DPY19L4: variants seen among roughly 807,000 people sequenced by gnomAD.
DPY19L4 encodes probable C-mannosyltransferase DPY19L4.
DPY19L4 carries 97 observed loss-of-function variants against 102.8 expected under a neutral mutation model. The observed-to-expected ratio is 0.94, with a 90% CI of 0.80 to 1.12. The LOEUF is 1.12. Among genes scored for constraint, DPY19L4 ranks in the 50% most tolerant of loss-of-function variants. The pLI, the probability that DPY19L4 is intolerant of heterozygous loss-of-function variation, is 0.00. For missense variants in DPY19L4, 815 were observed against 850.4 expected, an observed-to-expected ratio of 0.96 and a Z score of 0.52; for synonymous variants, 252 against 283.1, an observed-to-expected ratio of 0.89 and a Z score of 1.10.
rs527259838 is a variant in DPY19L4, at chr8:94,757,602, G to T, written c.735+1443G>T. ...TTTTTGTATTTTTAGTAGAGACGGG[G>T]TATCACTATGTTGGCCAGTCTGGCC... is the stretch of plus-strand genomic sequence containing the variant. On this transcript the variant is annotated intron_variant, in intron 7 of 18. Coordinates refer to ENST00000414645, the MANE Select transcript of DPY19L4 (RefSeq NM_181787.3). Among the ~76,000 whole-genome samples, 14 of 152,002 alleles carry T rather than the reference G, an allele frequency of 9.2e-5. 1 individual carries two copies. The highest frequency in any genetic ancestry group is 3.1e-4 in the African/African-American group (13 of 41,452).
intron 18 of DPY19L4, 68 bp downstream of exon 18, chr8:94,788,120 A>T: frequency 1.2e-6 from 1 of 863,578 alleles, no homozygotes; most frequent in Non-Finnish European, 1.5e-6. Flanking sequence ...AAATGACTTT[A>T]AACTTATAAT....
chr8:94,748,094 C>T (rs1253172641), intron 6 of DPY19L4, among the ~76,000 whole-genome samples: 4 of 152,130 alleles, frequency 2.6e-5, no homozygotes, highest in African/African-American at 7.2e-5. Context: ...ACTCCCACCA[C>T]ACATTGTCAG....
intron 1 of DPY19L4, among the ~76,000 whole-genome samples, chr8:94,722,874 G>A (rs1168439252): frequency 6.6e-6 from 1 of 152,100 alleles, no homozygotes; most frequent in Non-Finnish European, 1.5e-5. Context: ...AAATACTCTG[G>A]GAATCTGGTC....
At chr8:94,755,917 T>A (rs1812143308) in intron 6 of DPY19L4, 119 bp from the exon 7 acceptor site, 5 of 1,069,078 alleles carry the variant, frequency 4.7e-6, no homozygotes, top group Admixed American at 2.8e-5. Context: ...GATCTGGCTA[T>A]GCCTACCTCA....
chr8:94,750,785 CT>C (rs768001663), intron 6 of DPY19L4, among the ~76,000 whole-genome samples: 428 of 140,704 alleles, frequency 3.0e-3, no homozygotes, highest in Middle Eastern at 3.6e-3. Flanking sequence ...CCAAAATTTC[CT>C]TTTTTTTTTT....
At chr8:94,789,043 T>C (rs1586436117) in intron 18 of DPY19L4, among the ~76,000 whole-genome samples, 1 of 152,172 alleles carries the variant, frequency 6.6e-6, no homozygotes, top group Non-Finnish European at 1.5e-5. Context: ...GTGACACAAA[T>C]GGAATTTTAT....
At position 94,734,697 on chromosome 8, in the gene DPY19L4, G is replaced by A. The variant is rs763422218; in HGVS notation, c.195G>A (p.Met65Ile). The change falls in exon 3 of 19, where the codon ATG (methionine) becomes ATA (isoleucine). Residue 65 changes from methionine (M) to isoleucine (I), a missense_variant. By Grantham distance (10) the Met-to-Ile change is conservative. Coordinates refer to ENST00000414645, the MANE Select transcript of DPY19L4 (RefSeq NM_181787.3). ...TTGCAGCGGTTACTAGTGGTATGAT[G>A]TATGCTCTCTACTTATCAGCATACC... ...GCLAAVTSGM[M>I]YALYLSAYHE... 2.7e-5 allele frequency: 43 copies of A among 1,613,946 alleles called. No individual in the cohort carries two copies. Among genetic ancestry groups the A allele is most frequent in the Non-Finnish European group, 3.5e-5 (41 of 1,179,970 alleles).
At chr8:94,738,318 CAA>C (rs201512830) in intron 3 of DPY19L4, 49 bp from the exon 4 acceptor site, 37,772 of 842,086 alleles carry the variant, frequency 0.045, 10 homozygotes, top group Middle Eastern at 0.054. Flanking sequence ...GACTCTGTCT[CAA>C]AAAAAAAAAA....
In DPY19L4 at chr8:94,776,404, A is replaced by G. The variant is rs1467954434; in HGVS notation, c.1455-1262A>G. On this transcript the variant is annotated intron_variant, in intron 13 of 18. Transcript: ENST00000414645. Reference sequence around the variant, plus strand: ...GGATGGTCTCAAACTGCTGACCTCAAGTGATCTGCCCATCTCAGCCTCCCA... The same window carrying G: ...GGATGGTCTCAAACTGCTGACCTCAGGTGATCTGCCCATCTCAGCCTCCCA... Among the ~76,000 whole-genome samples the G allele has an allele frequency of 9.9e-5, 15 of 151,752 alleles. No homozygotes were observed. The East Asian group carries it at 2.3e-3, about 24-fold the overall frequency.
chr8:94,778,252 A>G (rs1381910494), intron 14 of DPY19L4, among the ~76,000 whole-genome samples: 3 of 152,112 alleles, frequency 2.0e-5, no homozygotes, highest in Non-Finnish European at 4.4e-5. Flanking sequence ...AAAAATTCTG[A>G]TTATCAAAGT....
At position 94,788,006 on chromosome 8, in the gene DPY19L4, T is replaced by C; in HGVS notation, c.1961T>C (p.Met654Thr). The C allele has an allele frequency of 6.6e-7, 1 of 1,509,118 alleles. No individual in the cohort carries two copies. Among genetic ancestry groups the C allele is most frequent in the African/African-American group, 1.4e-5 (1 of 70,028 alleles). 93.5% of individuals were successfully genotyped at this position (1,509,118 alleles called of 1,614,324 possible). ...EDAICNEVGP[M>T]RGCRVKDLLD... ...GCTATCTGCAATGAGGTGGGACCCA[T>C]GAGAGGCTGTAGGGTTAAAGATTTA... The change falls in exon 18 of 19, where the codon ATG (methionine) becomes ACG (threonine). Residue 654 changes from methionine (M) to threonine (T), a missense_variant. By Grantham distance (81) the Met-to-Thr change is moderately conservative (BLOSUM62 -1). Coordinates refer to ENST00000414645, the MANE Select transcript of DPY19L4 (RefSeq NM_181787.3).
intron 1 of DPY19L4, among the ~76,000 whole-genome samples, chr8:94,723,610 A>T (rs891235896): frequency 6.6e-6 from 1 of 152,012 alleles, no homozygotes; most frequent in African/African-American, 2.4e-5. Flanking sequence ...TTGTTTTTCC[A>T]TTATGAAATT....
Position 94,756,137 on chromosome 8 carries a change from G to T in DPY19L4, c.713G>T (p.Ser238Ile), listed in dbSNP as rs749267746. 9.3e-6 allele frequency: 15 copies of T among 1,613,566 alleles called. No individual in the cohort carries two copies. Among genetic ancestry groups the T allele is most frequent in the Non-Finnish European group, 1.2e-5 (14 of 1,179,772 alleles). ...QIAALTGYLK[S>I]NLNTYGERFC... ...GCTGCACTTACAGGCTATTTAAAAA[G>T]CAACTTAAATACTTATGGAGAGGTA... The change falls in exon 7 of 19, where the codon AGC (serine) becomes ATC (isoleucine). Residue 238 changes from serine to isoleucine, a missense_variant. Ser to Ile is a moderately radical substitution (Grantham distance 142). Coordinates refer to ENST00000414645, the MANE Select transcript of DPY19L4 (RefSeq NM_181787.3).
chr8:94,729,742 G>A lies in DPY19L4; in HGVS notation c.127+3301G>A, dbSNP rs1481142646. On this transcript the variant is annotated intron_variant, in intron 2 of 18. Coordinates refer to ENST00000414645, the MANE Select transcript of DPY19L4 (RefSeq NM_181787.3). The stretch of plus-strand genomic sequence containing the variant: ...GCTACTTGGGAGGCTGAGGTAGGAG[G>A]ATTGCTTAAGCCTGAGAAGTGGTGT... Among the ~76,000 whole-genome samples the A allele has an allele frequency of 2.5e-3, 375 of 149,236 alleles. 3 individuals carry two copies. Among genetic ancestry groups the A allele is most frequent in the African/African-American group, 8.9e-3 (356 of 40,206 alleles).
intron 6 of DPY19L4, among the ~76,000 whole-genome samples, chr8:94,754,592 T>A (rs1812079286): frequency 1.3e-5 from 2 of 152,126 alleles, no homozygotes; most frequent in South Asian, 4.1e-4. Context: ...AGGCAGCAAT[T>A]TTCATAAATT....
At position 94,791,245 on chromosome 8, in the gene DPY19L4, C is replaced by G. The variant is rs749835683; in HGVS notation, c.*1335C>G. On this transcript the variant is annotated 3_prime_UTR_variant, in exon 19 of 19. Transcript: ENST00000414645. ...AGCATTTCTCCATTGTCTTTATTTT[C>G]TGTTATATATGTGTTGTAAAAGTAC... 8.5e-5 allele frequency: 13 copies of G among 152,080 alleles called. No individual in the cohort carries two copies. The highest frequency in any genetic ancestry group is 1.6e-4 in the Non-Finnish European group (11 of 67,964). 9.4% of individuals were successfully genotyped at this position (152,080 alleles called of 1,614,324 possible). A position where few individuals can be genotyped will look rare whatever the true frequency, so the allele number is the denominator to read the frequency against.
intron 6 of DPY19L4, among the ~76,000 whole-genome samples, chr8:94,745,942 C>T (rs1243661041): frequency 2.6e-5 from 4 of 151,792 alleles, no homozygotes; most frequent in Non-Finnish European, 5.9e-5. Context: ...TTAGTAGAGA[C>T]AGGGTTCCTC....
intron 11 of DPY19L4, among the ~76,000 whole-genome samples, chr8:94,766,959 A>G (rs1812702046): frequency 1.3e-5 from 2 of 151,618 alleles, no homozygotes; most frequent in South Asian, 4.2e-4. Flanking sequence ...GGTTCCAGCT[A>G]TTCAGGAAGC....
At chr8:94,769,575 G>A (rs1042953557) in intron 12 of DPY19L4, among the ~76,000 whole-genome samples, 1 of 152,052 alleles carries the variant, frequency 6.6e-6, no homozygotes, top group Non-Finnish European at 1.5e-5. Context: ...TTTGAGGCCA[G>A]GTGCAGTGGC....
Sources: allele counts gnomAD v4.1 joint callset (sites outside exome capture counted in the v4.1 genomes callset), GRCh38; gene constraint gnomAD v4.1.1; transcripts MANE v1.5; gene names NCBI Gene and HGNC (gene_info 2026-07-23, HGNC 2026-07-21).